LIPK: variants seen among roughly 807,000 people sequenced by gnomAD.
LIPK encodes the protein lipase member K.
A neutral mutation model predicts 48.6 loss-of-function variants in LIPK; 32 were observed. The ratio of observed to expected loss-of-function variants is 0.66; its 90% confidence interval spans 0.50 to 0.88. The LOEUF (loss-of-function observed/expected upper bound fraction) is 0.88, where lower values mean the gene tolerates loss of function less well. LIPK is among the 40% of genes least tolerant of loss of function. The pLI is 0.00. For missense variants in LIPK, 507 were observed against 478.5 expected (o/e 1.06, Z -0.56); for synonymous variants, 164 against 157.4 (o/e 1.04, Z -0.32).
In LIPK at chr10:88,731,081, G is replaced by A. The variant is rs1564983105; in HGVS notation, c.322G>A (p.Asp108Asn). ...CAACAGTTTGGCTTTCCTTCTGGCA[G>A]ATAGTGGTTATGACGTGTGGTTGGG... ...PNNSLAFLLA[D>N]SGYDVWLGNS... Residue 108 changes from aspartate (D) to asparagine (N), a missense_variant, in exon 4 of 10, where the codon GAT (aspartate) becomes AAT (asparagine). Coordinates refer to ENST00000404190, the MANE Select transcript of LIPK (RefSeq NM_001080518.2). 6.2e-7 allele frequency: 1 copy of A among 1,606,730 alleles called. No individual in the cohort carries two copies. The highest frequency in any genetic ancestry group is 8.5e-7 in the Non-Finnish European group (1 of 1,176,510).
chr10:88,712,812 G>T (rs1363508424), intron 1 of LIPK, among the ~76,000 whole-genome samples: 1 of 152,166 alleles, frequency 6.6e-6, no homozygotes, highest in East Asian at 1.9e-4. Flanking sequence ...GAAGAAGAGA[G>T]AGAAAGAGAA....
chr10:88,732,059 C>A, intron 4 of LIPK, 119 bp from the exon 5 acceptor site: 1 of 608,114 alleles, frequency 1.6e-6, no homozygotes, highest in African/African-American at 1.9e-5. Context: ...TATCATATAT[C>A]GACACTAGTC....
chr10:88,732,920 T>C (rs549316763), intron 6 of LIPK, among the ~76,000 whole-genome samples: 1 of 152,282 alleles, frequency 6.6e-6, no homozygotes, highest in African/African-American at 2.4e-5. Flanking sequence ...TCAGATGGTG[T>C]GTGTTTGAAT....
chr10:88,734,816 ATG>A (rs1842538788), intron 6 of LIPK, among the ~76,000 whole-genome samples: 2 of 152,212 alleles, frequency 1.3e-5, no homozygotes, highest in African/African-American at 4.8e-5. Context: ...AGATATGACA[ATG>A]AAATGATAGA....
Position 88,714,582 on chromosome 10 carries a change from T to C in LIPK, c.-12+8262T>C, listed in dbSNP as rs145365356. Among the ~76,000 whole-genome samples the C allele has an allele frequency of 8.7e-4, 133 of 152,322 alleles. No homozygotes were observed. In the East Asian group the frequency reaches 0.013, roughly 15 times the overall value. ...ACAAATTCAACTTTTAAAGTAGATATAGAAATGTTCTTTTTCTTCTGGAAA... is the reference window on the plus strand; with the variant it reads ...ACAAATTCAACTTTTAAAGTAGATACAGAAATGTTCTTTTTCTTCTGGAAA... On this transcript the variant is annotated intron_variant, in intron 1 of 9. Transcript: ENST00000404190.
chr10:88,713,023 C>T (rs1842051944), intron 1 of LIPK, among the ~76,000 whole-genome samples: 1 of 152,124 alleles, frequency 6.6e-6, no homozygotes, highest in South Asian at 2.1e-4. Context: ...TCCTGGTAGT[C>T]ATTTAAAGAA....
At chr10:88,711,358 T>TA (rs1842023243) in intron 1 of LIPK, among the ~76,000 whole-genome samples, 1 of 152,222 alleles carries the variant, frequency 6.6e-6, no homozygotes, top group South Asian at 2.1e-4. Flanking sequence ...TAATCTTACC[T>TA]AGTTACCCTT....
At chr10:88,715,759 C>G (rs1460451608) in intron 1 of LIPK, among the ~76,000 whole-genome samples, 1 of 150,572 alleles carries the variant, frequency 6.6e-6, no homozygotes, top group Non-Finnish European at 1.5e-5. Context: ...TTCTTTCTTT[C>G]TTTCCTTTCT....
chr10:88,732,210 C>G lies in LIPK; in HGVS notation c.455C>G (p.Ala152Gly). 1 of 1,611,980 alleles carries G rather than the reference C, an allele frequency of 6.2e-7. No homozygotes were observed. The highest frequency in any genetic ancestry group is 1.7e-4 in the Middle Eastern group (1 of 6,056). The change falls in exon 5 of 10, where the codon GCC (alanine) becomes GGC (glycine). Residue 152 changes from alanine (A) to glycine (G), a missense_variant. Transcript: ENST00000404190. ...LDEMAKYDLP[A>G]TINFIIEKTG... Reference sequence around the variant, plus strand: ...GAGATGGCTAAATATGACCTTCCAGCCACAATCAATTTTATCATAGAGAAA... The same window carrying G: ...GAGATGGCTAAATATGACCTTCCAGGCACAATCAATTTTATCATAGAGAAA...
chr10:88,714,786 G>A (rs1481153729), intron 1 of LIPK, among the ~76,000 whole-genome samples: 1 of 151,662 alleles, frequency 6.6e-6, no homozygotes, highest in African/African-American at 2.4e-5. Flanking sequence ...GTTTTGTTAG[G>A]GTTACTTGAT....
intron 9 of LIPK, among the ~76,000 whole-genome samples, chr10:88,751,182 C>T (rs10887852): frequency 0.54 from 81,345 of 151,770 alleles, 22,373 homozygotes; most frequent in African/African-American, 0.65. Flanking sequence ...TCTACGAAAA[C>T]TTTTAGAGAA....
intron 9 of LIPK, among the ~76,000 whole-genome samples, chr10:88,752,007 G>C (rs1305773104): frequency 1.3e-5 from 2 of 152,144 alleles, no homozygotes; most frequent in Non-Finnish European, 2.9e-5. Flanking sequence ...TTTATAGAGT[G>C]CTATAGCCAC....
At chr10:88,729,598 ACT>A (rs750059823) in intron 3 of LIPK, among the ~76,000 whole-genome samples, 2 of 151,892 alleles carry the variant, frequency 1.3e-5, no homozygotes, top group Non-Finnish European at 2.9e-5. Flanking sequence ...ACAATGAGAA[ACT>A]CTTTTTCTAA....
chr10:88,743,566 C>T (rs1399098871), intron 9 of LIPK, among the ~76,000 whole-genome samples: 5 of 143,132 alleles, frequency 3.5e-5, no homozygotes, highest in African/African-American at 1.3e-4. Context: ...AGGTAAATTA[C>T]CAGAGTTATT....
chr10:88,742,378 A>T (rs1467953557), intron 8 of LIPK, among the ~76,000 whole-genome samples: 2 of 152,260 alleles, frequency 1.3e-5, no homozygotes, highest in African/African-American at 4.8e-5. Flanking sequence ...TCATGATGAG[A>T]ATAATTTTAA....
In LIPK at chr10:88,732,541, G is replaced by T. The variant is rs114340709; in HGVS notation, c.659G>T (p.Arg220Leu). The T allele has an allele frequency of 6.2e-7, 1 of 1,609,574 alleles. No individual in the cohort carries two copies. Among genetic ancestry groups the T allele is most frequent in the Non-Finnish European group, 8.5e-7 (1 of 1,178,792 alleles). ...AAAAAACTAACAACCCTTTCCAGGC[G>T]AGTAGTTAAGGTATGTGACTTCCCA... ...PMKKLTTLSR[R>L]VVKVLFGDKM... The change falls in exon 6 of 10, where the codon CGA becomes CTA. Residue 220 changes from arginine to leucine, a missense_variant. Arg to Leu is a moderately radical substitution (Grantham distance 102). Transcript: ENST00000404190.
chr10:88,749,029 G>A (rs1842819575), intron 9 of LIPK, among the ~76,000 whole-genome samples: 1 of 152,058 alleles, frequency 6.6e-6, no homozygotes, highest in African/African-American at 2.4e-5. Flanking sequence ...AATCATAATA[G>A]CCACAAAAAG....
rs76259967 is a variant in LIPK, at chr10:88,741,242, C to T, written c.888+1175C>T. ...TTTAAGACAGGGTCTCAAAAAAAAGCGTGCAGTGGTACAATCACGTTACCC... is the reference window on the plus strand; with the variant it reads ...TTTAAGACAGGGTCTCAAAAAAAAGTGTGCAGTGGTACAATCACGTTACCC... On this transcript the variant is annotated intron_variant, in intron 8 of 9. Coordinates refer to ENST00000404190, the MANE Select transcript of LIPK (RefSeq NM_001080518.2). Among the ~76,000 whole-genome samples the T allele has an allele frequency of 6.6e-3, 1,001 of 152,216 alleles. 27 individuals carry two copies. The highest frequency in any genetic ancestry group is 0.037 in the East Asian group (191 of 5,188).
At chr10:88,734,248 T>G (rs1318687389) in intron 6 of LIPK, among the ~76,000 whole-genome samples, 3 of 152,196 alleles carry the variant, frequency 2.0e-5, no homozygotes, top group African/African-American at 7.2e-5. Flanking sequence ...AAATACTTTT[T>G]GGATAAGATG....
Sources: gnomAD v4.1 joint callset for allele counts (sites outside exome capture counted in the v4.1 genomes callset) on GRCh38, gnomAD v4.1.1 for gene constraint, MANE v1.5 for transcripts, NCBI Gene and HGNC (gene_info 2026-07-23, HGNC 2026-07-21) for gene names.